The following SYNM variants were observed in gnomAD, a reference collection of about 807,000 sequenced individuals.
SYNM encodes the protein synemin.
SYNM carries 95 observed loss-of-function variants against 104.0 expected under a neutral mutation model. The observed-to-expected ratio is 0.91, with a 90% confidence interval of 0.77 to 1.08. The LOEUF (loss-of-function observed/expected upper bound fraction) is 1.08. Ranked by LOEUF, SYNM falls within the 50% of genes least tolerant of loss-of-function variation. The probability of loss-of-function intolerance (pLI) is 0.00; values close to 1 mark genes in which losing one functional copy is unlikely to be tolerated. For missense variants in SYNM, 2,150 were observed against 2,052.2 expected, an observed-to-expected ratio of 1.05 and a Z score of -0.92; for synonymous variants, 918 against 869.0, an observed-to-expected ratio of 1.06 and a Z score of -0.99.
Position 99,105,790 on chromosome 15 carries a change from G to A in SYNM, c.591G>A (p.Glu197=), listed in dbSNP as rs2067231498. The A allele has an allele frequency of 2.6e-6, 4 of 1,541,478 alleles. No homozygotes were observed. The highest frequency in any genetic ancestry group is 2.3e-4 in the Middle Eastern group (1 of 4,350). ...TGCTGGTGGCCGAGTCGTGGCGGGA[G>A]ACGGTGCAGCTGTACGAGGACGAGG... ...YALLVAESWR[E]TVQLYEDEVR... The change falls in exon 1 of 4, where the codon GAG becomes GAA. Residue 197 remains glutamate (E), a synonymous_variant. Transcript: ENST00000336292.
chr15:99,112,266 G>C (rs967535239), intron 1 of SYNM, among the ~76,000 whole-genome samples: 13 of 152,200 alleles, frequency 8.5e-5, no homozygotes, highest in African/African-American at 3.1e-4. Flanking sequence ...GCTTAGTTTA[G>C]TTAATGATGT....
In SYNM at chr15:99,105,100, A is replaced by G; in HGVS notation, c.-100A>G. ...GTCCCAGTCTGCGGGCCTCCGGGGCAGCGGCGAGGCCGGAGCGTCGCGGCG... is the reference window on the plus strand; with the variant it reads ...GTCCCAGTCTGCGGGCCTCCGGGGCGGCGGCGAGGCCGGAGCGTCGCGGCG... On this transcript the variant is annotated 5_prime_UTR_variant, in exon 1 of 4. Transcript: ENST00000336292. The G allele has an allele frequency of 7.3e-7, 1 of 1,361,220 alleles. No individual in the cohort carries two copies. Among genetic ancestry groups the G allele is most frequent in the Non-Finnish European group, 9.9e-7 (1 of 1,014,520 alleles). 84.3% of individuals were successfully genotyped at this position (1,361,220 alleles called of 1,614,324 possible).
Position 99,132,947 on chromosome 15 carries a change from G to C in SYNM, c.4587G>C (p.Lys1529Asn), listed in dbSNP as rs1555486252. ...AGGAGCAGGCCATGTTTGATAAGAA[G>C]GTGCAGCTCCAGAGAATGGTAGACC... ...QGKEQAMFDK[K>N]VQLQRMVDQR... is the part of the protein sequence containing the mutation. The change falls in exon 4 of 4, where the codon AAG becomes AAC. Residue 1529 changes from lysine (K) to asparagine (N), a missense_variant. Physicochemically the swap from Lys to Asn is moderately conservative, Grantham distance 94 (BLOSUM62 0). Transcript: ENST00000336292. 16 of 1,613,740 alleles carry C rather than the reference G, an allele frequency of 9.9e-6. No individual in the cohort carries two copies. Among genetic ancestry groups the C allele is most frequent in the African/African-American group, 1.3e-5 (1 of 74,952 alleles).
Position 99,131,397 on chromosome 15 carries a change from C to T in SYNM, c.3037C>T (p.Arg1013Trp), listed in dbSNP as rs369573602. ...CGTCTCACAAACTGTGGATGCCGAT[C>T]GGTTAGACCTGGAGGAGCTGAGCAA... Reference protein sequence around the residue: ...VNVSQTVDADRLDLEELSKDE... With the variant: ...VNVSQTVDADWLDLEELSKDE... Residue 1013 changes from arginine to tryptophan, a missense_variant, in exon 4 of 4, where the codon CGG becomes TGG. Coordinates refer to ENST00000336292, the MANE Select transcript of SYNM (RefSeq NM_145728.3). The surrounding 1 kb of genome is among the most constrained non-coding windows in gnomAD (Gnocchi z 4.3). 2.6e-5 allele frequency: 42 copies of T among 1,612,240 alleles called. No individual in the cohort carries two copies. The highest frequency in any genetic ancestry group is 4.0e-5 in the African/African-American group (3 of 74,876).
At chr15:99,110,742 G>T (rs961526682) in intron 1 of SYNM, among the ~76,000 whole-genome samples, 1 of 152,114 alleles carries the variant, frequency 6.6e-6, no homozygotes, top group Non-Finnish European at 1.5e-5. Context: ...TTTCATCATC[G>T]GTTGTGATGC....
At chr15:99,135,682 T>C (rs1323896433), downstream of SYNM, 1 of 152,508 alleles carries the variant, frequency 6.6e-6, no homozygotes, top group African/African-American at 2.4e-5. Context: ...TACATGCATG[T>C]TTTTAGGGTA....
chr15:99,141,645 C>T, the SYNM span, among the ~76,000 whole-genome samples: 1 of 152,132 alleles, frequency 6.6e-6, no homozygotes, highest in South Asian at 2.1e-4. Context: ...ACTACTGAAG[C>T]CTGTTTATTC....
chr15:99,111,617 G>T (rs2067300546), intron 1 of SYNM, among the ~76,000 whole-genome samples: 1 of 152,136 alleles, frequency 6.6e-6, no homozygotes, highest in Non-Finnish European at 1.5e-5. Context: ...TTACTTCTTT[G>T]CTTTAAAAGC....
Position 99,132,361 on chromosome 15 carries a change from G to A in SYNM, c.4001G>A (p.Gly1334Glu), listed in dbSNP as rs1567285449. 3.1e-6 allele frequency: 5 copies of A among 1,613,898 alleles called. No individual in the cohort carries two copies. In the East Asian group the frequency reaches 8.9e-5, roughly 29 times the overall value. Residue 1334 changes from glycine (G) to glutamate (E), a missense_variant, in exon 4 of 4, where the codon GGG becomes GAG. Coordinates refer to ENST00000336292, the MANE Select transcript of SYNM (RefSeq NM_145728.3). ...IVYHGLVPQLGESGDSESTVH... is the reference protein window; with the variant it reads ...IVYHGLVPQLEESGDSESTVH... ...TACCATGGGCTGGTTCCCCAACTGG[G>A]GGAATCTGGTGACTCAGAGAGCACT...
rs192428760 is a variant in SYNM, at chr15:99,131,405, C to T, written c.3045C>T (p.Asp1015=). Residue 1015 remains aspartate (D), a synonymous_variant, in exon 4 of 4, where the codon GAC becomes GAT. Transcript: ENST00000336292. This position sits in a 1 kb window ranked among gnomAD's most constrained non-coding sequence, Gnocchi z 4.3. ...AAACTGTGGATGCCGATCGGTTAGA[C>T]CTGGAGGAGCTGAGCAAAGATGAGG... ...VSQTVDADRL[D]LEELSKDEAS... The T allele has an allele frequency of 5.5e-4, 882 of 1,612,070 alleles. 3 individuals carry two copies. The African/African-American group carries it at 9.9e-3, about 18-fold the overall frequency.
intron 2 of SYNM, among the ~76,000 whole-genome samples, chr15:99,114,265 G>A (rs371964517): frequency 1.3e-5 from 2 of 151,490 alleles, no homozygotes; most frequent in Admixed American, 6.6e-5. Flanking sequence ...TTCAGAAGGT[G>A]GCAGGAGAGA....
chr15:99,124,136 G>T (rs1290566624), intron 2 of SYNM, among the ~76,000 whole-genome samples: 1 of 152,240 alleles, frequency 6.6e-6, no homozygotes, highest in Non-Finnish European at 1.5e-5. Flanking sequence ...CACAGTCCCC[G>T]AGGCTTGGGG....
intron 2 of SYNM, among the ~76,000 whole-genome samples, chr15:99,121,712 G>C (rs8036877): frequency 0.59 from 90,252 of 151,820 alleles, 27,421 homozygotes; most frequent in Middle Eastern, 0.7. Flanking sequence ...ACTCAGCATA[G>C]AGCCCAATGA....
At chr15:99,106,129 G>A in intron 1 of SYNM, 120 bp downstream of exon 1, 1 of 1,135,086 alleles carries the variant, frequency 8.8e-7, no homozygotes. Flanking sequence ...GACCGGTAGG[G>A]CCCGCCCAGA....
downstream of SYNM, chr15:99,135,683 T>G (rs781795065): frequency 6.6e-6 from 1 of 152,498 alleles, no homozygotes; most frequent in South Asian, 2.1e-4. Flanking sequence ...ACATGCATGT[T>G]TTTAGGGTAG....
At position 99,105,241 on chromosome 15, in the gene SYNM, G is replaced by C. The variant is rs781830857; in HGVS notation, c.42G>C (p.Glu14Asp). 6.4e-7 allele frequency: 1 copy of C among 1,571,388 alleles called. No homozygotes were observed. The highest frequency in any genetic ancestry group is 8.6e-7 in the Non-Finnish European group (1 of 1,159,462). ...WRLQTGPEKAELQELNARLYD... is the reference protein window; with the variant it reads ...WRLQTGPEKADLQELNARLYD... Reference sequence around the variant, plus strand: ...TGCAGACGGGCCCCGAGAAGGCCGAGCTCCAGGAGCTCAACGCCCGGCTCT... The same window carrying C: ...TGCAGACGGGCCCCGAGAAGGCCGACCTCCAGGAGCTCAACGCCCGGCTCT... Residue 14 changes from glutamate (E) to aspartate (D), a missense_variant, in exon 1 of 4, where the codon GAG (glutamate) becomes GAC (aspartate). Transcript: ENST00000336292.
At position 99,130,470 on chromosome 15, in the gene SYNM, C is replaced by T; in HGVS notation, c.2110C>T (p.Leu704=). Residue 704 remains leucine, a synonymous_variant, in exon 4 of 4, where the codon CTG becomes TTG. Coordinates refer to ENST00000336292, the MANE Select transcript of SYNM (RefSeq NM_145728.3). ...EDVDVSDEAG[L]DYLLSKDIKE... ...TGTTGATGTTTCCGATGAAGCTGGC[C>T]TGGACTACCTTTTAAGCAAGGATAT... The T allele has an allele frequency of 3.7e-6, 6 of 1,613,824 alleles. No individual in the cohort carries two copies. The highest frequency in any genetic ancestry group is 5.1e-6 in the Non-Finnish European group (6 of 1,179,890).
Position 99,131,250 on chromosome 15 carries a change from A to T in SYNM, c.2890A>T (p.Met964Leu). The T allele has an allele frequency of 3.1e-6, 5 of 1,609,836 alleles. No individual in the cohort carries two copies. The highest frequency in any genetic ancestry group is 3.4e-6 in the Non-Finnish European group (4 of 1,178,440). ...GQLEETLPER[M>L]REELSALTRE... is the part of the protein sequence containing the mutation. Reference sequence around the variant, plus strand: ...GCTGGAGGAAACCCTTCCCGAGCGCATGAGGGAGGAGCTGTCCGCCCTCAC... The same window carrying T: ...GCTGGAGGAAACCCTTCCCGAGCGCTTGAGGGAGGAGCTGTCCGCCCTCAC... The change falls in exon 4 of 4, where the codon ATG becomes TTG. Residue 964 changes from methionine (M) to leucine (L), a missense_variant. By Grantham distance (15) the Met-to-Leu change is conservative (BLOSUM62 2). Transcript: ENST00000336292. This position sits in a 1 kb window ranked among gnomAD's most constrained non-coding sequence, Gnocchi z 4.3.
At chr15:99,123,034 C>G (rs148996206) in intron 2 of SYNM, among the ~76,000 whole-genome samples, 1 of 152,122 alleles carries the variant, frequency 6.6e-6, no homozygotes, top group Non-Finnish European at 1.5e-5. Context: ...ACGACGTGAT[C>G]GCTGATGTTT....
Sources: gnomAD v4.1 joint callset for allele counts (sites outside exome capture counted in the v4.1 genomes callset) on GRCh38, gnomAD v4.1.1 for gene constraint, Gnocchi (gnomAD v3.1) non-coding constraint, MANE v1.5 for transcripts, NCBI Gene and HGNC (gene_info 2026-07-23, HGNC 2026-07-21) for gene names.